The following ASTN2 variants were observed in gnomAD, a reference collection of about 807,000 sequenced individuals.
ASTN2 encodes astrotactin 2, also known as astrotactin-2.
In ASTN2, 54 loss-of-function variants were observed where a neutral mutation model predicts 139.8. The observed-to-expected ratio is 0.39, with a 90% CI of 0.31 to 0.48. The LOEUF is 0.48. ASTN2 is among the 20% of genes least tolerant of loss of function. The pLI is 0.95. For synonymous variants in ASTN2, 756 were observed against 719.5 expected, an observed-to-expected ratio of 1.05 and a Z score of -0.81; for missense variants, 1,565 against 1,725.1, an observed-to-expected ratio of 0.91 and a Z score of 1.64.
At chr9:116,902,663 T>A (rs1388953329) in intron 10 of ASTN2, among the ~76,000 whole-genome samples, 1 of 152,082 alleles carries the variant, frequency 6.6e-6, no homozygotes, top group Middle Eastern at 3.2e-3. Context: ...AATGGTACAT[T>A]TCTCAGAAGA....
chr9:116,473,699 A>T (rs1848889534), intron 20 of ASTN2, among the ~76,000 whole-genome samples: 2 of 152,162 alleles, frequency 1.3e-5, no homozygotes, highest in South Asian at 4.1e-4. Flanking sequence ...GGAGTTCGAG[A>T]CCAGCCCAGC....
chr9:117,379,700 C>T (rs894911012), intron 1 of ASTN2, among the ~76,000 whole-genome samples: 1 of 152,118 alleles, frequency 6.6e-6, no homozygotes, highest in African/African-American at 2.4e-5. Flanking sequence ...ATTAGAAGCA[C>T]TGAGATGTAT....
At chr9:116,427,824 C>T (rs765926592) in intron 22 of ASTN2, among the ~76,000 whole-genome samples, 2 of 152,226 alleles carry the variant, frequency 1.3e-5, no homozygotes, top group Middle Eastern at 3.2e-3. Context: ...TCTTTCCCCT[C>T]GGGCAAGTGC....
chr9:116,502,877 G>A (rs775050764), intron 19 of ASTN2, among the ~76,000 whole-genome samples: 6 of 139,618 alleles, frequency 4.3e-5, no homozygotes, highest in Non-Finnish European at 9.3e-5. Context: ...AGAAAAAAGA[G>A]AGGAAGGAAA....
intron 7 of ASTN2, among the ~76,000 whole-genome samples, chr9:116,979,066 T>C (rs1234241100): frequency 6.6e-6 from 1 of 152,196 alleles, no homozygotes; most frequent in East Asian, 1.9e-4. Flanking sequence ...TATTTGACCT[T>C]ATATGAAGCA....
At chr9:116,544,417 T>C (rs1338365892) in intron 19 of ASTN2, among the ~76,000 whole-genome samples, 1 of 152,136 alleles carries the variant, frequency 6.6e-6, no homozygotes, top group Middle Eastern at 3.2e-3. Flanking sequence ...ACACAAGGTG[T>C]CTTAGACATG....
intron 7 of ASTN2, among the ~76,000 whole-genome samples, chr9:116,993,194 G>A (rs138577796): frequency 3.3e-5 from 5 of 152,220 alleles, no homozygotes; most frequent in East Asian, 1.9e-4. Context: ...CCCTCTGAAC[G>A]CTCTGGGATC....
chr9:117,398,521 G>C (rs1588012709), intron 1 of ASTN2, among the ~76,000 whole-genome samples: 1 of 152,136 alleles, frequency 6.6e-6, no homozygotes, highest in African/African-American at 2.4e-5. Flanking sequence ...AGAAACCAGT[G>C]CCCTAATGAA....
intron 11 of ASTN2, among the ~76,000 whole-genome samples, chr9:116,837,457 C>T (rs936986682): frequency 1.1e-4 from 16 of 152,178 alleles, no homozygotes; most frequent in Admixed American, 6.5e-5. Flanking sequence ...CCATAGGTTC[C>T]TCCCACAGGC....
chr9:116,648,133 C>A (rs1857701892), intron 17 of ASTN2, among the ~76,000 whole-genome samples: 1 of 151,988 alleles, frequency 6.6e-6, no homozygotes. Flanking sequence ...TCCTGAGTAG[C>A]TGGGATTATA....
intron 20 of ASTN2, among the ~76,000 whole-genome samples, chr9:116,480,908 G>A (rs902102141): frequency 5.3e-5 from 8 of 152,170 alleles, no homozygotes; most frequent in Non-Finnish European, 8.8e-5. Flanking sequence ...GCCATCCCAC[G>A]TGTCACTGCT....
At chr9:117,042,912 C>T (rs1017372209) in intron 5 of ASTN2, among the ~76,000 whole-genome samples, 5 of 152,080 alleles carry the variant, frequency 3.3e-5, no homozygotes, top group African/African-American at 1.2e-4. Context: ...CCTTTGTTGC[C>T]CAGGCTGGAG....
intron 1 of ASTN2, among the ~76,000 whole-genome samples, chr9:117,409,497 G>A (rs1831101678): frequency 6.6e-6 from 1 of 152,158 alleles, no homozygotes; most frequent in African/African-American, 2.4e-5. Flanking sequence ...TTACCGTTAG[G>A]GGTCAGCATA....
chr9:116,575,122 T>C (rs768225524), intron 19 of ASTN2, among the ~76,000 whole-genome samples: 26 of 152,092 alleles, frequency 1.7e-4, no homozygotes, highest in Non-Finnish European at 3.1e-4. Context: ...TACTTTTAAT[T>C]CCTTTTGCTT....
chr9:116,828,300 CAAAA>C (rs34187222), intron 11 of ASTN2, among the ~76,000 whole-genome samples: 2 of 132,176 alleles, frequency 1.5e-5, no homozygotes. Flanking sequence ...GACTCCGTCT[CAAAA>C]AAAAAAAAAA....
At chr9:116,956,329 C>A (rs1489957623) in intron 10 of ASTN2, among the ~76,000 whole-genome samples, 2 of 149,878 alleles carry the variant, frequency 1.3e-5, no homozygotes, top group African/African-American at 4.9e-5. Context: ...TAACTCCCGA[C>A]CTCAGGTGAT....
At chr9:116,480,278 C>T (rs1392038938) in intron 20 of ASTN2, among the ~76,000 whole-genome samples, 2 of 152,016 alleles carry the variant, frequency 1.3e-5, no homozygotes, top group Non-Finnish European at 2.9e-5. Flanking sequence ...ACATAGAAAC[C>T]TAGAGACAGA....
In ASTN2 at chr9:116,494,288, A is replaced by G. The variant is rs1849606860; in HGVS notation, c.3356-6788T>C. Among the ~76,000 whole-genome samples, 3 of 152,142 alleles carry G rather than the reference A, an allele frequency of 2.0e-5. No homozygotes were observed. In the South Asian group the frequency reaches 6.2e-4, roughly 32 times the overall value. On this transcript the variant is annotated intron_variant, in intron 19 of 22. Transcript: ENST00000313400. ...TCTCAGAGACTGCTTCTTCATCTGA[A>G]AAGATGATCCTATCAATTTCAGAGA...
chr9:117,381,920 T>C (rs757970505), intron 1 of ASTN2, among the ~76,000 whole-genome samples: 30 of 152,196 alleles, frequency 2.0e-4, no homozygotes, highest in Non-Finnish European at 3.5e-4. Context: ...AGAAAGTATA[T>C]GTAAATGACC....
Sources: gnomAD v4.1 joint callset for allele counts (sites outside exome capture counted in the v4.1 genomes callset) on GRCh38, gnomAD v4.1.1 for gene constraint, MANE v1.5 for transcripts, NCBI Gene and HGNC (gene_info 2026-07-23, HGNC 2026-07-21) for gene names.